Variants in ATRIP observed in about 807,000 individuals in gnomAD.
ATRIP encodes the protein ATR interacting protein, also known as ATR-interacting protein.
A neutral mutation model predicts 78.1 loss-of-function variants in ATRIP; 44 were observed. The observed-to-expected ratio is 0.56, with a 90% CI of 0.44 to 0.72. The LOEUF is 0.72. ATRIP is among the 30% of genes least tolerant of loss of function. ATRIP has a pLI of 0.00. For synonymous variants in ATRIP, 388 were observed against 408.9 expected, an observed-to-expected ratio of 0.95 and a Z score of 0.62; for missense variants, 927 against 980.2, an observed-to-expected ratio of 0.95 and a Z score of 0.72.
chr3:48,462,786 C>G (rs1332928968), intron 8 of ATRIP, among the ~76,000 whole-genome samples: 1 of 152,186 alleles, frequency 6.6e-6, no homozygotes, highest in Non-Finnish European at 1.5e-5. Context: ...CTTGCAGTAC[C>G]TTCTGCAAGT....
chr3:48,459,008 G>A (rs1393948643), intron 5 of ATRIP, among the ~76,000 whole-genome samples: 1 of 152,206 alleles, frequency 6.6e-6, no homozygotes, highest in African/African-American at 2.4e-5. Flanking sequence ...CAGACCTAAT[G>A]ATAAATCCTT....
In ATRIP at chr3:48,464,624, C is replaced by T; in HGVS notation, c.2017C>T (p.Pro673Ser). The change falls in exon 11 of 13, where the codon CCC becomes TCC. Residue 673 changes from proline to serine, a missense_variant. Physicochemically the swap from Pro to Ser is moderately conservative, Grantham distance 74 (BLOSUM62 -1). Coordinates refer to ENST00000320211, the MANE Select transcript of ATRIP (RefSeq NM_130384.3). ...LAKLGVQSPL[P>S]PVTGSNCQCN... ...TAAGCTTGGTGTGCAGAGCCCCTTG[C>T]CCCCAGTCACTGGCTCCAACTGCCA... is the stretch of plus-strand genomic sequence containing the variant. 1 of 1,614,136 alleles carries T rather than the reference C, an allele frequency of 6.2e-7. No homozygotes were observed. Among genetic ancestry groups the T allele is most frequent in the Non-Finnish European group, 8.5e-7 (1 of 1,179,996 alleles).
Position 48,460,281 on chromosome 3 carries a change from A to T in ATRIP, c.1227A>T (p.Pro409=). 1.9e-6 allele frequency: 3 copies of T among 1,613,848 alleles called. No homozygotes were observed. The highest frequency in any genetic ancestry group is 2.5e-6 in the Non-Finnish European group (3 of 1,179,942). The part of the protein sequence containing the change: ...DPAEGGRRAF[P]LCQLPGAVHF... ...CAGAGGGAGGCAGAAGGGCCTTCCC[A>T]CTCTGCCAGCTTCCTGGAGCCGTGC... The change falls in exon 8 of 13, where the codon CCA becomes CCT. Residue 409 remains proline (P), a synonymous_variant. Transcript: ENST00000320211.
chr3:48,464,478 C>CA (rs1214296099), intron 10 of ATRIP, 104 bp from the exon 11 acceptor site: 3 of 1,283,384 alleles, frequency 2.3e-6, no homozygotes, highest in Non-Finnish European at 3.4e-6. Flanking sequence ...TTTGTGCAGA[C>CA]AAACAGTTGC....
Position 48,464,089 on chromosome 3 carries a change from A to G in ATRIP, c.1931A>G (p.Asp644Gly). 1 of 1,613,902 alleles carries G rather than the reference A, an allele frequency of 6.2e-7. No individual in the cohort carries two copies. The highest frequency in any genetic ancestry group is 8.5e-7 in the Non-Finnish European group (1 of 1,180,028). ...TACATGTACATCACATCACGGCCTG[A>G]CAGAGTGGCCTTGGAGACACAATGG... Reference protein sequence around the residue: ...LLYMYITSRPDRVALETQWLQ... With the variant: ...LLYMYITSRPGRVALETQWLQ... Residue 644 changes from aspartate (D) to glycine (G), a missense_variant, in exon 10 of 13, where the codon GAC becomes GGC. Physicochemically the swap from Asp to Gly is moderately conservative, Grantham distance 94. Transcript: ENST00000320211.
At chr3:48,457,219 G>T (rs757461610) in intron 4 of ATRIP, 40 bp from the exon 5 acceptor site, 1 of 1,493,060 alleles carries the variant, frequency 6.7e-7, no homozygotes, top group Non-Finnish European at 8.9e-7. Flanking sequence ...AATGGTTTTA[G>T]TAGAATCATT....
intron 4 of ATRIP, among the ~76,000 whole-genome samples, chr3:48,456,609 A>G (rs546792366): frequency 9.9e-4 from 150 of 151,742 alleles, no homozygotes; most frequent in African/African-American, 3.3e-3. Context: ...CCAAAAAAAA[A>G]AAAAAAAAAT....
rs368988892 is a variant in ATRIP at position 48,463,916 on chromosome 3, C to G, written c.1882+35C>G. The G allele has an allele frequency of 2.5e-5, 41 of 1,612,612 alleles. No individual in the cohort carries two copies. In the African/African-American group the frequency reaches 5.1e-4, roughly 20 times the overall value. On this transcript the variant is annotated intron_variant, in intron 9 of 12. Coordinates refer to ENST00000320211, the MANE Select transcript of ATRIP (RefSeq NM_130384.3). ...GGTGGGGCGGGCGTCTAGACTGCTC[C>G]TGCAGATCAAGGGAAGGGTTGGGGT...
Position 48,466,911 on chromosome 3 carries a change from G to C in ATRIP, c.*1357G>C, listed in dbSNP as rs770072023. On this transcript the variant is annotated 3_prime_UTR_variant, in exon 13 of 13. Transcript: ENST00000320211. Reference sequence around the variant, plus strand: ...CAGCCCTGCAGCCAGCGAGATCACAGGTCTGAGCACAGCTGTGCTGGCAGC... The same window carrying C: ...CAGCCCTGCAGCCAGCGAGATCACACGTCTGAGCACAGCTGTGCTGGCAGC... 1.2e-6 allele frequency: 2 copies of C among 1,611,850 alleles called. No individual in the cohort carries two copies. Among genetic ancestry groups the C allele is most frequent in the South Asian group, 2.2e-5 (2 of 91,090 alleles).
At chr3:48,465,452 G>C (rs2040255246) in intron 12 of ATRIP, 35 bp from the exon 13 acceptor site, 2 of 1,602,408 alleles carry the variant, frequency 1.2e-6, no homozygotes, top group East Asian at 4.5e-5. Context: ...TGGCACCTTT[G>C]GGCCCTCACC....
Position 48,459,442 on chromosome 3 carries a change from TCAAA to T in ATRIP, c.916_919del (p.Asn306LeufsTer6). The T allele has an allele frequency of 6.2e-7, 1 of 1,613,732 alleles. No individual in the cohort carries two copies. The highest frequency in any genetic ancestry group is 8.5e-7 in the Non-Finnish European group (1 of 1,179,800). Reference sequence around the variant, plus strand: ...CTTTGTTGACAGCTGGAGACAGAGATCAAACACTCAAGGTACCAGAATCCCTGCT... The same window carrying T: ...CTTTGTTGACAGCTGGAGACAGAGATCACTCAAGGTACCAGAATCCCTGCT... On this transcript the variant is annotated frameshift_variant, in exon 6 of 13. Coordinates refer to ENST00000320211, the MANE Select transcript of ATRIP (RefSeq NM_130384.3). LOFTEE classifies it high-confidence loss of function.
At position 48,464,820 on chromosome 3, in the gene ATRIP, C is replaced by CA. The variant is rs773898068; in HGVS notation, c.2056-11_2056-10insA. ...GGCACCAGGCCTCAGTCTGCACCCC[C>CA]CCTCTCTCAGGTGGTCAGAGCGCTC... On this transcript the variant is annotated splice_polypyrimidine_tract_variant and intron_variant, in intron 11 of 12. Transcript: ENST00000320211. 1 of 1,605,092 alleles carries CA rather than the reference C, an allele frequency of 6.2e-7. No homozygotes were observed. The highest frequency in any genetic ancestry group is 1.1e-5 in the South Asian group (1 of 90,658).
At chr3:48,447,683 C>T (rs1440609123) in intron 1 of ATRIP, among the ~76,000 whole-genome samples, 2 of 152,118 alleles carry the variant, frequency 1.3e-5, no homozygotes, top group Non-Finnish European at 2.9e-5. Flanking sequence ...TTGAGGACTC[C>T]CAGAAAGAGA....
At position 48,464,631 on chromosome 3, in the gene ATRIP, T is replaced by G; in HGVS notation, c.2024T>G (p.Val675Gly). 1.2e-6 allele frequency: 2 copies of G among 1,614,128 alleles called. No homozygotes were observed. The highest frequency in any genetic ancestry group is 8.5e-7 in the Non-Finnish European group (1 of 1,179,982). Residue 675 changes from valine to glycine, a missense_variant, in exon 11 of 13, where the codon GTC becomes GGC. By Grantham distance (109) the Val-to-Gly change is moderately radical. Coordinates refer to ENST00000320211, the MANE Select transcript of ATRIP (RefSeq NM_130384.3). ...KLGVQSPLPP[V>G]TGSNCQCNVE... The stretch of plus-strand genomic sequence containing the variant: ...GGTGTGCAGAGCCCCTTGCCCCCAG[T>G]CACTGGCTCCAACTGCCAGTGTAAT...
Position 48,466,203 on chromosome 3 carries a change from C to T in ATRIP, c.*649C>T. ...GCAGGGCGGGCCTGGCTCACGTGGG[C>T]CTGTAGGCGGGCCCACGCCAAGTTT... is the stretch of plus-strand genomic sequence containing the variant. On this transcript the variant is annotated 3_prime_UTR_variant, in exon 13 of 13. Transcript: ENST00000320211. The T allele has an allele frequency of 1.8e-6, 1 of 554,050 alleles. No homozygotes were observed. The highest frequency in any genetic ancestry group is 3.3e-6 in the Non-Finnish European group (1 of 305,620). 34.3% of individuals were successfully genotyped at this position (554,050 alleles called of 1,614,324 possible). A position where few individuals can be genotyped will look rare whatever the true frequency, so the allele number is the denominator to read the frequency against.
At position 48,467,463 on chromosome 3, in the gene ATRIP, A is replaced by C. The variant is rs2107265329; in HGVS notation, c.*1909A>C. 1 of 1,614,182 alleles carries C rather than the reference A, an allele frequency of 6.2e-7. No homozygotes were observed. On this transcript the variant is annotated 3_prime_UTR_variant, in exon 13 of 13. Transcript: ENST00000320211. ...TCCCAGCCTTGGAGAGAGCAGGGGT[A>C]CCAAGGATCTTCCTCCAGTGAAGGA...
rs1328195930 is a variant in ATRIP, at chr3:48,467,224, C to T, written c.*1670C>T. 2 of 1,614,116 alleles carry T rather than the reference C, an allele frequency of 1.2e-6. No homozygotes were observed. Among genetic ancestry groups the T allele is most frequent in the South Asian group, 2.2e-5 (2 of 91,088 alleles). On this transcript the variant is annotated 3_prime_UTR_variant, in exon 13 of 13. Transcript: ENST00000320211. ...ATCTACACTCGCCTGTATGGGCAGT[C>T]CCCTCCAGACTCGCACACGGCTGAG...
Position 48,459,459 on chromosome 3 carries a change from C to T in ATRIP, c.925+5C>T, listed in dbSNP as rs991046488. 6.2e-7 allele frequency: 1 copy of T among 1,612,250 alleles called. No individual in the cohort carries two copies. The highest frequency in any genetic ancestry group is 1.3e-5 in the African/African-American group (1 of 74,900). ...GACAGAGATCAAACACTCAAGGTACCAGAATCCCTGCTTCTCCTGCAGGGG... is the reference window on the plus strand; with the variant it reads ...GACAGAGATCAAACACTCAAGGTACTAGAATCCCTGCTTCTCCTGCAGGGG... On this transcript the variant is annotated splice_donor_5th_base_variant and intron_variant, in intron 6 of 12. Transcript: ENST00000320211.
chr3:48,458,609 C>T (rs143862008), intron 5 of ATRIP, among the ~76,000 whole-genome samples: 74 of 152,282 alleles, frequency 4.9e-4, no homozygotes, highest in Middle Eastern at 3.4e-3. Flanking sequence ...CATGAGCCAC[C>T]GTGCCCAGCC....
Sources: allele counts gnomAD v4.1 joint callset (sites outside exome capture counted in the v4.1 genomes callset), GRCh38; gene constraint gnomAD v4.1.1; transcripts MANE v1.5; gene names NCBI Gene and HGNC (gene_info 2026-07-23, HGNC 2026-07-21).